SUCLG2: variants seen among roughly 807,000 people sequenced by gnomAD.
The protein encoded by SUCLG2 is succinate--CoA ligase [GDP-forming] subunit beta, mitochondrial.
A neutral mutation model predicts 47.9 loss-of-function variants in SUCLG2; 42 were observed. The ratio of observed to expected loss-of-function variants is 0.88; its 90% CI spans 0.69 to 1.14. The LOEUF (loss-of-function observed/expected upper bound fraction) is 1.14. Among genes scored for constraint, SUCLG2 ranks in the 50% most tolerant of loss-of-function variants. SUCLG2 has a pLI of 0.00. For missense variants in SUCLG2, 571 were observed against 525.9 expected, an observed-to-expected ratio of 1.09 and a Z score of -0.84; for synonymous variants, 195 against 197.3, an observed-to-expected ratio of 0.99 and a Z score of 0.10.
At chr3:67,380,367 A>AGGGCC (rs1702128941) in intron 10 of SUCLG2, among the ~76,000 whole-genome samples, 1 of 152,236 alleles carries the variant, frequency 6.6e-6, no homozygotes, top group Admixed American at 6.5e-5. Flanking sequence ...ACTGGTGGAC[A>AGGGCC]GGGCCAGGGA....
intron 5 of SUCLG2, among the ~76,000 whole-genome samples, chr3:67,518,854 A>C (rs1213233331): frequency 6.6e-6 from 1 of 152,218 alleles, no homozygotes; most frequent in East Asian, 1.9e-4. Context: ...CTCTTAACAA[A>C]TGGAATGGCC....
At chr3:67,372,778 T>C (rs1281205226), downstream of SUCLG2, among the ~76,000 whole-genome samples, 2 of 152,194 alleles carry the variant, frequency 1.3e-5, no homozygotes, top group Non-Finnish European at 2.9e-5. Flanking sequence ...CTTTCTCAGG[T>C]TTGAAAACAA....
intron 2 of SUCLG2, among the ~76,000 whole-genome samples, chr3:67,602,348 T>C (rs1179417769): frequency 6.6e-6 from 1 of 152,178 alleles, no homozygotes; most frequent in East Asian, 1.9e-4. Context: ...ACTGTTCTCA[T>C]TTGTTTCTGA....
At chr3:67,379,913 T>C (rs1702115431) in intron 10 of SUCLG2, among the ~76,000 whole-genome samples, 1 of 152,220 alleles carries the variant, frequency 6.6e-6, no homozygotes, top group Admixed American at 6.5e-5. Context: ...GACTTACTGA[T>C]GCTTCCCTCG....
intron 9 of SUCLG2, among the ~76,000 whole-genome samples, chr3:67,477,603 G>A (rs1704798267): frequency 6.6e-6 from 1 of 152,204 alleles, no homozygotes. Flanking sequence ...GCTGAGGCAG[G>A]AGAATCACTT....
chr3:67,648,618 C>T (rs1701233510), intron 1 of SUCLG2, among the ~76,000 whole-genome samples: 1 of 152,150 alleles, frequency 6.6e-6, no homozygotes, highest in African/African-American at 2.4e-5. Context: ...TGAAATCTCC[C>T]CTGCAGTGAT....
chr3:67,508,052 A>T (rs1238354327), intron 7 of SUCLG2, among the ~76,000 whole-genome samples: 1 of 152,240 alleles, frequency 6.6e-6, no homozygotes, highest in Non-Finnish European at 1.5e-5. Context: ...GGTGGTAGGT[A>T]CTGATATATA....
At chr3:67,568,294 C>A (rs2107230977) in intron 2 of SUCLG2, among the ~76,000 whole-genome samples, 1 of 151,910 alleles carries the variant, frequency 6.6e-6, no homozygotes, top group East Asian at 1.9e-4. Context: ...CAGCTGGCTA[C>A]AACACTGAAG....
At chr3:67,553,976 T>C (rs1404068783) in intron 2 of SUCLG2, among the ~76,000 whole-genome samples, 1 of 152,232 alleles carries the variant, frequency 6.6e-6, no homozygotes, top group African/African-American at 2.4e-5. Flanking sequence ...TTTACTAAAT[T>C]CTAAACCTTC....
intron 1 of SUCLG2, among the ~76,000 whole-genome samples, chr3:67,636,512 C>T (rs1701013090): frequency 6.6e-6 from 1 of 152,090 alleles, no homozygotes; most frequent in Non-Finnish European, 1.5e-5. Flanking sequence ...GCCACTGCAC[C>T]CGGCTAATTT....
chr3:67,397,260 A>G (rs532540995), intron 10 of SUCLG2, among the ~76,000 whole-genome samples: 7 of 152,358 alleles, frequency 4.6e-5, no homozygotes, highest in African/African-American at 1.2e-4. Flanking sequence ...ACATGACTGT[A>G]TATCTAGAAA....
At chr3:67,590,519 T>A (rs1708131915) in intron 2 of SUCLG2, among the ~76,000 whole-genome samples, 1 of 152,186 alleles carries the variant, frequency 6.6e-6, no homozygotes, top group Non-Finnish European at 1.5e-5. Context: ...TCTGAGTTCA[T>A]GTGAGATCTG....
At chr3:67,411,466 C>T (rs1474991894) in intron 9 of SUCLG2, among the ~76,000 whole-genome samples, 7 of 151,988 alleles carry the variant, frequency 4.6e-5, no homozygotes, top group African/African-American at 1.7e-4. Context: ...GACAAAGATT[C>T]ATATCAAAAC....
At chr3:67,555,709 T>C (rs578011604) in intron 2 of SUCLG2, among the ~76,000 whole-genome samples, 2 of 152,212 alleles carry the variant, frequency 1.3e-5, no homozygotes, top group East Asian at 3.9e-4. Flanking sequence ...ATAAATAAGG[T>C]AGAAGAACAG....
chr3:67,493,696 G>C (rs1193893832), intron 9 of SUCLG2, among the ~76,000 whole-genome samples: 1 of 152,046 alleles, frequency 6.6e-6, no homozygotes, highest in Non-Finnish European at 1.5e-5. Flanking sequence ...ACAATCGTCT[G>C]TCCTCTGGGT....
chr3:67,500,614 C>T (rs752668701), intron 7 of SUCLG2, among the ~76,000 whole-genome samples: 3 of 152,124 alleles, frequency 2.0e-5, no homozygotes, highest in African/African-American at 4.8e-5. Context: ...ATTTTCTCAG[C>T]AGTTAATGAC....
chr3:67,643,285 G>C (rs1054613324), intron 1 of SUCLG2, among the ~76,000 whole-genome samples: 19 of 152,148 alleles, frequency 1.2e-4, no homozygotes, highest in Admixed American at 6.5e-5. Flanking sequence ...CTTATCACCA[G>C]AAACTGGGTA....
At chr3:67,367,618 C>T (rs1701893688) in intron 10 of SUCLG2, among the ~76,000 whole-genome samples, 1 of 152,142 alleles carries the variant, frequency 6.6e-6, no homozygotes, top group Admixed American at 6.5e-5. Flanking sequence ...AGGGCAGACC[C>T]TGTGTTGTAG....
intron 10 of SUCLG2, among the ~76,000 whole-genome samples, chr3:67,382,897 C>A (rs1463694847): frequency 6.6e-6 from 1 of 152,186 alleles, no homozygotes; most frequent in Admixed American, 6.5e-5. Flanking sequence ...CCTCAAATGT[C>A]CACTGCTCCT....
Sources: gnomAD v4.1 joint callset for allele counts (sites outside exome capture counted in the v4.1 genomes callset) on GRCh38, gnomAD v4.1.1 for gene constraint, MANE v1.5 for transcripts, NCBI Gene and HGNC (gene_info 2026-07-23, HGNC 2026-07-21) for gene names.